The following PCSK9 variants were observed in gnomAD, a reference collection of about 807,000 sequenced individuals.
PCSK9 encodes the protein convertase subtilisin/kexin type 9 preproprotein.
A neutral mutation model predicts 62.1 loss-of-function variants in PCSK9; 57 were observed. The observed-to-expected ratio is 0.92, with a 90% confidence interval of 0.74 to 1.14. PCSK9 has a LOEUF of 1.14. Among genes scored for constraint, PCSK9 ranks in the 50% most tolerant of loss-of-function variants. The pLI, the probability that PCSK9 is intolerant of heterozygous loss-of-function variation, is 0.00. For missense variants in PCSK9, 870 were observed against 959.8 expected, an observed-to-expected ratio of 0.91 and a Z score of 1.24; for synonymous variants, 387 against 409.4, an observed-to-expected ratio of 0.95 and a Z score of 0.66.
In PCSK9 at chr1:55,052,778, C is replaced by T. The variant is rs763759839; in HGVS notation, c.786C>T (p.Ser262=). 2.2e-5 allele frequency: 36 copies of T among 1,612,978 alleles called. No homozygotes were observed. The highest frequency in any genetic ancestry group is 2.0e-4 in the East Asian group (9 of 44,886). Residue 262 remains serine (S), a synonymous_variant, in exon 5 of 12, where the codon AGC becomes AGT. Transcript: ENST00000302118. Reference sequence around the variant, plus strand: ...ACTGCCAAGGGAAGGGCACGGTTAGCGGCACCCTCATAGGTAAGTGATGGC... The same window carrying T: ...ACTGCCAAGGGAAGGGCACGGTTAGTGGCACCCTCATAGGTAAGTGATGGC... ...VLNCQGKGTV[S]GTLIGLEFIR...
chr1:55,063,977 T>G lies in PCSK9; in HGVS notation c.*393T>G. 4.5e-6 allele frequency: 1 copy of G among 224,050 alleles called. No homozygotes were observed. Among genetic ancestry groups the G allele is most frequent in the Non-Finnish European group, 8.8e-6 (1 of 113,016 alleles). The allele number at this position is 224,050 out of a possible 1,614,324, so 13.9% of individuals were successfully genotyped here. ...GTCTCCACCAAGGAGGCAGGATTCT[T>G]CCCATGGATAGGGGAGGGGGCGGTA... On this transcript the variant is annotated 3_prime_UTR_variant, in exon 12 of 12. Coordinates refer to ENST00000302118, the MANE Select transcript of PCSK9 (RefSeq NM_174936.4).
In PCSK9 at chr1:55,057,467, G is replaced by T; in HGVS notation, c.1133G>T (p.Cys378Phe). 2 of 1,613,982 alleles carry T rather than the reference G, an allele frequency of 1.2e-6. No individual in the cohort carries two copies. Among genetic ancestry groups the T allele is most frequent in the Non-Finnish European group, 1.7e-6 (2 of 1,180,008 alleles). The change falls in exon 7 of 12, where the codon TGC (cysteine) becomes TTC (phenylalanine). Residue 378 changes from cysteine (C) to phenylalanine (F), a missense_variant. Physicochemically the swap from Cys to Phe is radical, Grantham distance 205. Transcript: ENST00000302118. ...IIGASSDCST[C>F]FVSQSGTSQA... ...GGTGCCTCCAGCGACTGCAGCACCT[G>T]CTTTGTGTCACAGAGTGGGACATCA... is the stretch of plus-strand genomic sequence containing the variant.
Position 55,040,129 on chromosome 1 carries a change from C to A in PCSK9, c.207+85C>A. ...TTCCTCTCGGGCCTCAGTTTCCCCCCATGTAAGAGAGGAAGTGGAGTGCAG... is the reference window on the plus strand; with the variant it reads ...TTCCTCTCGGGCCTCAGTTTCCCCCAATGTAAGAGAGGAAGTGGAGTGCAG... On this transcript the variant is annotated intron_variant, in intron 1 of 11. Transcript: ENST00000302118. This position sits in a 1 kb window ranked among gnomAD's most constrained non-coding sequence, Gnocchi z 4.1. 6.7e-7 allele frequency: 1 copy of A among 1,488,624 alleles called. No homozygotes were observed. Among genetic ancestry groups the A allele is most frequent in the Non-Finnish European group, 9.1e-7 (1 of 1,100,066 alleles). 92.2% of individuals were successfully genotyped at this position (1,488,624 alleles called of 1,614,324 possible).
Position 55,052,658 on chromosome 1 carries a change from G to C in PCSK9, c.666G>C (p.Lys222Asn). 3 of 1,613,118 alleles carry C rather than the reference G, an allele frequency of 1.9e-6. No homozygotes were observed. The highest frequency in any genetic ancestry group is 1.6e-4 in the Middle Eastern group (1 of 6,062). The change falls in exon 5 of 12, where the codon AAG (lysine) becomes AAC (asparagine). Residue 222 changes from lysine to asparagine, a missense_variant. Coordinates refer to ENST00000302118, the MANE Select transcript of PCSK9 (RefSeq NM_174936.4). ...TTGTGTTCGTCGAGCAGGCCAGCAA[G>C]TGTGACAGTCATGGCACCCACCTGG... is the stretch of plus-strand genomic sequence containing the variant. ...DGTRFHRQAS[K>N]CDSHGTHLAG...
chr1:55,057,201 G>A (rs1432663492), intron 6 of PCSK9, 130 bp from the exon 7 acceptor site: 1 of 1,188,406 alleles, frequency 8.4e-7, no homozygotes, highest in East Asian at 2.4e-5. Context: ...TTTTCCTTAG[G>A]AGGGGACATT....
chr1:55,049,624 C>T (rs764106969), intron 3 of PCSK9, among the ~76,000 whole-genome samples: 5 of 152,202 alleles, frequency 3.3e-5, no homozygotes, highest in Non-Finnish European at 5.9e-5. Flanking sequence ...GTGTCTCATC[C>T]GAGCTGGGCC....
At chr1:55,063,315 TG>T in intron 11 of PCSK9, 53 bp from the exon 12 acceptor site, 1 of 1,560,816 alleles carries the variant, frequency 6.4e-7, no homozygotes, top group Non-Finnish European at 8.7e-7. Flanking sequence ...GAAGTGTGGG[TG>T]GGGGTCCCGG....
In PCSK9 at chr1:55,052,811, G is replaced by T; in HGVS notation, c.799+20G>T. 2 of 1,612,892 alleles carry T rather than the reference G, an allele frequency of 1.2e-6. No homozygotes were observed. Among genetic ancestry groups the T allele is most frequent in the South Asian group, 1.1e-5 (1 of 91,074 alleles). On this transcript the variant is annotated intron_variant, in intron 5 of 11. Coordinates refer to ENST00000302118, the MANE Select transcript of PCSK9 (RefSeq NM_174936.4). ...TCATAGGTAAGTGATGGCCCCAGAC[G>T]CTGGTCTCTCTCCATCTGGACCTGG...
rs368406783 is a variant in PCSK9, at chr1:55,064,830, A to AAAAC, written c.*1255_*1258dup. 3.9e-5 allele frequency: 6 copies of AAAAC among 152,226 alleles called. No individual in the cohort carries two copies. The highest frequency in any genetic ancestry group is 7.2e-5 in the African/African-American group (3 of 41,456). 9.4% of individuals were successfully genotyped at this position (152,226 alleles called of 1,614,324 possible). ...ATTAATATGGTGACTTTTTAAAATA[A>AAAAC]AAACAAACAAACGTTGTCCTAACTC... On this transcript the variant is annotated 3_prime_UTR_variant, in exon 12 of 12. Transcript: ENST00000302118.
At chr1:55,052,905 T>G in intron 5 of PCSK9, 114 bp downstream of exon 5, 4 of 1,521,352 alleles carry the variant, frequency 2.6e-6, no homozygotes, top group Non-Finnish European at 3.6e-6. Flanking sequence ...TGTGGCAGCC[T>G]CTGCCGCAGA....
intron 6 of PCSK9, 37 bp downstream of exon 6, chr1:55,056,226 GGGGCGGAGGGCGGAGGGCGGAGGGAGGGC>G: frequency 6.6e-6 from 4 of 608,622 alleles, no homozygotes; most frequent in East Asian, 4.3e-5. Context: ...GCGCGGGTAG[GGGGCGGAGGGCGGAGGGCGGAGGGAGGGC>G]GGGCGGGCAG....
chr1:55,057,888 C>A (rs1644727063), intron 7 of PCSK9, 148 bp from the exon 8 acceptor site: 2 of 1,111,304 alleles, frequency 1.8e-6, no homozygotes, highest in East Asian at 4.9e-5. Context: ...GTAAGGACTG[C>A]AGGCGGCTTA....
At chr1:55,058,706 TGTGTGTGTGTGTC>T in intron 9 of PCSK9, 59 bp downstream of exon 9, 1 of 1,454,876 alleles carries the variant, frequency 6.9e-7, no homozygotes, top group East Asian at 2.7e-5. Flanking sequence ...TGTGTGTGTG[TGTGTGTGTGTGTC>T]AGTGCTGGGC....
At position 55,043,996 on chromosome 1, in the gene PCSK9, G is replaced by A; in HGVS notation, c.361G>A (p.Gly121Ser). ...ILHVFHGLLPGFLVKMSGDLL... is the reference protein window; with the variant it reads ...ILHVFHGLLPSFLVKMSGDLL... ...GCATGTCTTCCATGGCCTTCTTCCT[G>A]GCTTCCTGGTGAAGATGAGTGGCGA... is the stretch of plus-strand genomic sequence containing the variant. Residue 121 changes from glycine (G) to serine (S), a missense_variant, in exon 2 of 12, where the codon GGC becomes AGC. By Grantham distance (56) the Gly-to-Ser change is moderately conservative. Transcript: ENST00000302118. The A allele has an allele frequency of 6.2e-7, 1 of 1,614,252 alleles. No individual in the cohort carries two copies. Among genetic ancestry groups the A allele is most frequent in the South Asian group, 1.1e-5 (1 of 91,080 alleles).
intron 6 of PCSK9, 52 bp from the exon 7 acceptor site, chr1:55,057,279 C>A (rs1423597863): frequency 1.5e-5 from 24 of 1,576,714 alleles, no homozygotes; most frequent in Non-Finnish European, 2.1e-5. Context: ...TCTGCCTCTG[C>A]AACCCCTCTC....
chr1:55,048,538 C>A (rs1406852385), intron 3 of PCSK9, among the ~76,000 whole-genome samples: 1 of 152,196 alleles, frequency 6.6e-6, no homozygotes, highest in Non-Finnish European at 1.5e-5. Flanking sequence ...GAATGGCAGG[C>A]AGGGGTGTGG....
chr1:55,047,891 G>C (rs1467450452), intron 3 of PCSK9, among the ~76,000 whole-genome samples: 1 of 152,154 alleles, frequency 6.6e-6, no homozygotes, highest in East Asian at 1.9e-4. Flanking sequence ...TGGAGCCCTG[G>C]AGCCCCCTGT....
At chr1:55,058,460 C>T (rs1371705615) in intron 8 of PCSK9, 39 bp from the exon 9 acceptor site, 2 of 1,612,120 alleles carry the variant, frequency 1.2e-6, no homozygotes, top group Admixed American at 1.7e-5. Flanking sequence ...GGTCCCCTCA[C>T]TCCCAGCACC....
chr1:55,051,726 C>T (rs554237555), intron 3 of PCSK9: 5 of 215,980 alleles, frequency 2.3e-5, no homozygotes, highest in Admixed American at 1.1e-4. Context: ...AAGCAGTCCC[C>T]GTGAGCCCTC....
Sources: gnomAD v4.1 joint callset for allele counts (sites outside exome capture counted in the v4.1 genomes callset) on GRCh38, gnomAD v4.1.1 for gene constraint, Gnocchi (gnomAD v3.1) non-coding constraint, MANE v1.5 for transcripts, NCBI Gene and HGNC (gene_info 2026-07-23, HGNC 2026-07-21) for gene names.